The following SPATA3 variants were observed in gnomAD, a reference collection of about 807,000 sequenced individuals.
SPATA3 encodes spermatogenesis-associated protein 3.
SPATA3 carries 6 observed loss-of-function variants against 5.7 expected under a neutral mutation model. The observed-to-expected ratio is 1.06, with a 90% confidence interval of 0.58 to 2.09. SPATA3 has a LOEUF of 2.09. SPATA3 is among the 30% of genes most tolerant of loss of function. The pLI, the probability that SPATA3 is intolerant of heterozygous loss-of-function variation, is 0.00. For missense variants in SPATA3, 155 were observed against 130.4 expected, an observed-to-expected ratio of 1.19 and a Z score of -0.92; for synonymous variants, 44 against 48.4, an observed-to-expected ratio of 0.91 and a Z score of 0.37.
At chr2:230,997,991 G>A (rs10737943) in intron 1 of SPATA3, among the ~76,000 whole-genome samples, 46,017 of 152,050 alleles carry the variant, frequency 0.3, 7,135 homozygotes, top group East Asian at 0.45. Flanking sequence ...GTAGCCCTGA[G>A]AAGGGAAACC....
intron 1 of SPATA3, chr2:230,996,143 C>G: frequency 7.2e-7 from 1 of 1,393,980 alleles, no homozygotes; most frequent in South Asian, 1.4e-5. Flanking sequence ...AAGCCAGGCT[C>G]CTAGGGCAGA....
At chr2:231,011,168 G>A (rs536974295), downstream of SPATA3, among the ~76,000 whole-genome samples, 20 of 151,224 alleles carry the variant, frequency 1.3e-4, no homozygotes, top group South Asian at 2.1e-4. Context: ...TTGCTCTGTC[G>A]CCCAGGCTCA....
At chr2:230,996,645 G>C in intron 1 of SPATA3, 111 bp downstream of exon 1, 4 of 1,348,726 alleles carry the variant, frequency 3.0e-6, no homozygotes, top group Non-Finnish European at 4.0e-6. Context: ...GTGTATCCTG[G>C]AGCTGTGCTG....
At chr2:231,013,156 A>G (rs1381746396) in intron 5 of SPATA3, among the ~76,000 whole-genome samples, 1 of 150,334 alleles carries the variant, frequency 6.7e-6, no homozygotes, top group Non-Finnish European at 1.5e-5. Flanking sequence ...GACCTCCAAG[A>G]CTCACCACCG....
chr2:231,019,264 A>T (rs140728998), intron 6 of SPATA3, among the ~76,000 whole-genome samples: 1 of 137,384 alleles, frequency 7.3e-6, no homozygotes, highest in African/African-American at 2.8e-5. Context: ...CCACCGTGCC[A>T]GGCCTCGATT....
intron 1 of SPATA3, chr2:230,996,150 C>A: frequency 7.0e-7 from 1 of 1,422,696 alleles, no homozygotes; most frequent in Non-Finnish European, 9.3e-7. Flanking sequence ...GCTCCTAGGG[C>A]AGAGGGCAAA....
chr2:231,003,252 C>T (rs528590886), downstream of SPATA3, among the ~76,000 whole-genome samples: 3 of 152,356 alleles, frequency 2.0e-5, no homozygotes, highest in South Asian at 4.1e-4. Flanking sequence ...TCTTCTCAAC[C>T]CCTGTCCTCT....
chr2:231,017,308 G>A (rs4973368), intron 6 of SPATA3, among the ~76,000 whole-genome samples: 43,973 of 152,096 alleles, frequency 0.29, 6,577 homozygotes, highest in Admixed American at 0.36. Context: ...TTTGCCTTCC[G>A]TGGTATCAGC....
downstream of SPATA3, among the ~76,000 whole-genome samples, chr2:231,010,132 C>A (rs547857126): frequency 8.1e-4 from 123 of 152,336 alleles, no homozygotes; most frequent in African/African-American, 2.9e-3. Flanking sequence ...GGCCAAGGCC[C>A]TTTGTCCTCT....
chr2:231,019,851 G>A (rs1027844846), exon 7 of SPATA3: 1 of 150,424 alleles, frequency 6.6e-6, no homozygotes, highest in Admixed American at 6.6e-5. Flanking sequence ...CCAAAATATG[G>A]TGCATGGACA....
In SPATA3 at chr2:231,000,413, C is replaced by G; in HGVS notation, c.838C>G (p.Pro280Ala). The G allele has an allele frequency of 4.5e-6, 7 of 1,542,714 alleles. 1 individual carries two copies. The East Asian group carries it at 1.7e-4, about 38-fold the overall frequency. Residue 280 changes from proline (P) to alanine (A), a missense_variant, in exon 2 of 3, where the codon CCC becomes GCC. Coordinates refer to ENST00000645363, the Ensembl canonical transcript of SPATA3. ...GCATTCCTGCTCCTGTGCCACTTGC[C>G]CCTGCAGCTCCGCTTGCTGGCGTCG... is the stretch of plus-strand genomic sequence containing the variant.
At chr2:231,014,885 G>A (rs35808069) in intron 6 of SPATA3, among the ~76,000 whole-genome samples, 65,978 of 151,698 alleles carry the variant, frequency 0.43, 15,417 homozygotes, top group African/African-American at 0.59. Flanking sequence ...TTTGTAGGTC[G>A]GGTGTTAAGG....
At chr2:231,015,849 A>T (rs1692921409) in intron 6 of SPATA3, among the ~76,000 whole-genome samples, 3 of 152,238 alleles carry the variant, frequency 2.0e-5, no homozygotes, top group Admixed American at 2.0e-4. Context: ...TCAGAAGTGG[A>T]TTCTTCTTTT....
At chr2:231,016,542 G>A (rs1331871760) in intron 6 of SPATA3, among the ~76,000 whole-genome samples, 2 of 151,462 alleles carry the variant, frequency 1.3e-5, no homozygotes, top group African/African-American at 2.4e-5. Flanking sequence ...AAGGTTAGCT[G>A]GGTGTGGTGG....
At chr2:230,997,976 C>G (rs10755051) in intron 1 of SPATA3, among the ~76,000 whole-genome samples, 1 of 152,112 alleles carries the variant, frequency 6.6e-6, no homozygotes, top group African/African-American at 2.4e-5. Flanking sequence ...CCTGAGCAGA[C>G]GCTGGTAGCC....
chr2:231,003,599 T>C (rs775349210), downstream of SPATA3, among the ~76,000 whole-genome samples: 12 of 152,274 alleles, frequency 7.9e-5, no homozygotes, highest in Middle Eastern at 6.8e-3. Flanking sequence ...TGCTCCTCCT[T>C]GTCAGTGCTT....
At chr2:231,007,615 G>A (rs1692674353), downstream of SPATA3, among the ~76,000 whole-genome samples, 1 of 152,336 alleles carries the variant, frequency 6.6e-6, no homozygotes, top group South Asian at 2.1e-4. Context: ...TCGCCTCCAG[G>A]CCTGCACCCC....
At chr2:231,000,571 C>T (rs929507258) in intron 2 of SPATA3, 34 bp downstream of exon 2, 15 of 1,465,828 alleles carry the variant, frequency 1.0e-5, no homozygotes, top group Non-Finnish European at 1.4e-5. Flanking sequence ...CCTCGGGGCA[C>T]ACAGTCCCCA....
At chr2:230,996,642 C>T (rs1692134315) in intron 1 of SPATA3, 108 bp downstream of exon 1, 1 of 1,360,520 alleles carries the variant, frequency 7.4e-7, no homozygotes, top group Non-Finnish European at 9.9e-7. Context: ...AACGTGTATC[C>T]TGGAGCTGTG....
Sources: allele counts gnomAD v4.1 joint callset (sites outside exome capture counted in the v4.1 genomes callset), GRCh38; gene constraint gnomAD v4.1.1; transcripts MANE v1.5; gene names NCBI Gene and HGNC (gene_info 2026-07-23, HGNC 2026-07-21).